Variants in TNRC6A observed in about 807,000 individuals in gnomAD.
TNRC6A encodes trinucleotide repeat-containing gene 6A protein.
Under a neutral mutation model 221.2 loss-of-function variants are expected in TNRC6A, and 44 were observed. That is an observed-to-expected ratio of 0.20 (90% CI 0.16 to 0.26). TNRC6A has a LOEUF of 0.26. Ranked by LOEUF, TNRC6A falls within the 10% of genes least tolerant of loss-of-function variation. TNRC6A has a pLI of 1.00. For missense variants in TNRC6A, 2,199 were observed against 2,404.4 expected, an observed-to-expected ratio of 0.91 and a Z score of 1.79; for synonymous variants, 847 against 838.5, an observed-to-expected ratio of 1.01 and a Z score of -0.18.
chr16:24,697,087 T>C (rs1030789104), intron 2 of TNRC6A, among the ~76,000 whole-genome samples: 1 of 152,194 alleles, frequency 6.6e-6, no homozygotes, highest in Non-Finnish European at 1.5e-5. Context: ...ATTTTGAATG[T>C]TCACAACACT....
chr16:24,695,380 T>C (rs2055837163), intron 2 of TNRC6A, among the ~76,000 whole-genome samples: 1 of 152,078 alleles, frequency 6.6e-6, no homozygotes, highest in Admixed American at 6.6e-5. Context: ...CTTATGTTTT[T>C]ACTTTTTATA....
In TNRC6A at chr16:24,804,705, G is replaced by A. The variant is rs143716235; in HGVS notation, c.3838G>A (p.Asp1280Asn). The stretch of plus-strand genomic sequence containing the variant: ...CACATCTTTCTGTCTGTCCAATCAG[G>A]ATGGCATTGTAGCAGATGAATCCCA... Reference protein sequence around the residue: ...SMERNPYFDKDGIVADESQNM... With the variant: ...SMERNPYFDKNGIVADESQNM... The change falls in exon 13 of 25, where the codon GAT becomes AAT. Residue 1280 changes from aspartate (D) to asparagine (N), a missense_variant and splice_region_variant. Coordinates refer to ENST00000395799, the MANE Select transcript of TNRC6A (RefSeq NM_014494.4). 9.5e-6 allele frequency: 15 copies of A among 1,584,512 alleles called. No individual in the cohort carries two copies. In the African/African-American group the frequency reaches 1.8e-4, roughly 19 times the overall value.
chr16:24,639,311 A>C (rs1190905105), intron 1 of TNRC6A, among the ~76,000 whole-genome samples: 3 of 151,980 alleles, frequency 2.0e-5, no homozygotes, highest in Non-Finnish European at 4.4e-5. Flanking sequence ...ATATCAAAAA[A>C]CTTGTCTCTA....
intron 2 of TNRC6A, chr16:24,663,667 A>G (rs1375533151): frequency 6.8e-5 from 22 of 324,006 alleles, no homozygotes. Flanking sequence ...TGCAGTGCTT[A>G]AGTCTCCCAG....
intron 2 of TNRC6A, among the ~76,000 whole-genome samples, chr16:24,693,373 G>A (rs550527790): frequency 3.9e-5 from 6 of 152,150 alleles, no homozygotes; most frequent in African/African-American, 1.4e-4. Flanking sequence ...GATCACTTGA[G>A]GTCAGGAGTT....
chr16:24,811,068 TATC>T (rs1420120356), intron 18 of TNRC6A, among the ~76,000 whole-genome samples: 3 of 152,230 alleles, frequency 2.0e-5, no homozygotes, highest in Non-Finnish European at 4.4e-5. Context: ...CCGTAAATCA[TATC>T]ATTAGAGTGG....
chr16:24,621,746 T>C (rs1481382117), intron 1 of TNRC6A, among the ~76,000 whole-genome samples: 2 of 152,142 alleles, frequency 1.3e-5, no homozygotes. Flanking sequence ...ATGGCTCTGA[T>C]TAACAAAAAT....
chr16:24,790,933 G>C lies in TNRC6A; in HGVS notation c.2291G>C (p.Gly764Ala). 1 of 1,613,758 alleles carries C rather than the reference G, an allele frequency of 6.2e-7. No individual in the cohort carries two copies. Among genetic ancestry groups the C allele is most frequent in the Non-Finnish European group, 8.5e-7 (1 of 1,179,862 alleles). ...TCTGCAACACAGACTTTTAACTCAG[G>C]GGCATGTATAGATAAGACTAGCCCT... is the stretch of plus-strand genomic sequence containing the variant. ...GSSATQTFNSGACIDKTSPNG... is the reference protein window; with the variant it reads ...GSSATQTFNSAACIDKTSPNG... Residue 764 changes from glycine to alanine, a missense_variant, in exon 6 of 25, where the codon GGG becomes GCG. Physicochemically the swap from Gly to Ala is moderately conservative, Grantham distance 60 (BLOSUM62 0). Around this residue, in one of 8 missense-constraint regions of TNRC6A, gnomAD observed 1,405 missense variants for 1,400.2 expected, o/e 1.00. Transcript: ENST00000395799.
At chr16:24,676,322 T>C (rs2055419756) in intron 2 of TNRC6A, among the ~76,000 whole-genome samples, 1 of 151,994 alleles carries the variant, frequency 6.6e-6, no homozygotes, top group Admixed American at 6.6e-5. Context: ...TAAGATGGAG[T>C]CTCTTGCTCT....
At chr16:24,686,740 G>A (rs1011333447) in intron 2 of TNRC6A, among the ~76,000 whole-genome samples, 3 of 152,132 alleles carry the variant, frequency 2.0e-5, no homozygotes, top group African/African-American at 7.2e-5. Flanking sequence ...GATCGGTGCC[G>A]CGACAGAGGC....
At chr16:24,687,204 C>T (rs1040974597) in intron 2 of TNRC6A, among the ~76,000 whole-genome samples, 3 of 152,156 alleles carry the variant, frequency 2.0e-5, no homozygotes, top group African/African-American at 7.2e-5. Context: ...GAGGCAGCAT[C>T]TAGATAATTA....
chr16:24,738,737 T>A (rs1354476168), intron 2 of TNRC6A, among the ~76,000 whole-genome samples: 1 of 152,252 alleles, frequency 6.6e-6, no homozygotes, highest in Non-Finnish European at 1.5e-5. Flanking sequence ...ATGAATAATA[T>A]TGCTATGAAC....
At chr16:24,702,983 C>T (rs749524556) in intron 2 of TNRC6A, among the ~76,000 whole-genome samples, 33 of 151,946 alleles carry the variant, frequency 2.2e-4, no homozygotes, top group African/African-American at 7.2e-4. Flanking sequence ...TGCAGTGAGC[C>T]GAGATCGCGC....
Position 24,809,428 on chromosome 16 carries a change from C to G in TNRC6A, c.4619C>G (p.Thr1540Arg). ...EPQSRLRKWT[T>R]VDSISVNTSL... ...CAGTCAAGACTAAGGAAGTGGACGA[C>G]AGTGGACAGCATTTCTGTGAACACA... Residue 1540 changes from threonine to arginine, a missense_variant, in exon 18 of 25, where the codon ACA becomes AGA. Around this residue, in one of 8 missense-constraint regions of TNRC6A, gnomAD observed 449 missense variants for 579.7 expected, o/e 0.77. Coordinates refer to ENST00000395799, the MANE Select transcript of TNRC6A (RefSeq NM_014494.4). The G allele has an allele frequency of 1.9e-6, 3 of 1,591,250 alleles. No homozygotes were observed. The highest frequency in any genetic ancestry group is 2.6e-6 in the Non-Finnish European group (3 of 1,169,588).
At chr16:24,627,919 G>A (rs1467646249) in intron 1 of TNRC6A, among the ~76,000 whole-genome samples, 2 of 150,538 alleles carry the variant, frequency 1.3e-5, no homozygotes, top group East Asian at 2.0e-4. Flanking sequence ...GGCTGGTCTC[G>A]AACTCCTGAC....
At chr16:24,725,459 G>A (rs529281222), upstream of TNRC6A, among the ~76,000 whole-genome samples, 154 of 151,990 alleles carry the variant, frequency 1.0e-3, 1 homozygote, top group Non-Finnish European at 9.1e-4. Context: ...ACAATATGAA[G>A]CCTGTTTCCC....
At chr16:24,800,177 A>G (rs2058303231) in intron 11 of TNRC6A, among the ~76,000 whole-genome samples, 1 of 152,200 alleles carries the variant, frequency 6.6e-6, no homozygotes, top group South Asian at 2.1e-4. Flanking sequence ...TCAGAACAGA[A>G]AGTGAGTGTT....
At chr16:24,689,571 T>C (rs1338326907) in intron 2 of TNRC6A, among the ~76,000 whole-genome samples, 1 of 152,184 alleles carries the variant, frequency 6.6e-6, no homozygotes. Flanking sequence ...CATTCATTTA[T>C]CCATTCAGTA....
intron 18 of TNRC6A, among the ~76,000 whole-genome samples, chr16:24,811,017 A>G (rs1361275802): frequency 6.6e-6 from 1 of 152,196 alleles, no homozygotes; most frequent in African/African-American, 2.4e-5. Flanking sequence ...AGACAAATAC[A>G]GGACGGACCC....
Sources: gnomAD v4.1 joint callset for allele counts (sites outside exome capture counted in the v4.1 genomes callset) on GRCh38, gnomAD v4.1.1 for gene constraint, gnomAD v4.1.1 regional missense constraint, MANE v1.5 for transcripts, NCBI Gene and HGNC (gene_info 2026-07-23, HGNC 2026-07-21) for gene names.